Variants in EPB41 observed in about 807,000 individuals in gnomAD.
EPB41 encodes the protein erythrocyte membrane protein band 4.1.
A neutral mutation model predicts 108.0 loss-of-function variants in EPB41; 65 were observed. The observed-to-expected ratio is 0.60, with a 90% CI of 0.49 to 0.74. The LOEUF is 0.74. EPB41 is among the 30% of genes least tolerant of loss of function. EPB41 has a pLI of 0.00. For synonymous variants in EPB41, 336 were observed against 358.9 expected, an observed-to-expected ratio of 0.94 and a Z score of 0.72; for missense variants, 875 against 1,037.0, an observed-to-expected ratio of 0.84 and a Z score of 2.15.
chr1:28,968,907 G>A (rs1208717503), intron 1 of EPB41, among the ~76,000 whole-genome samples: 4 of 151,222 alleles, frequency 2.6e-5, no homozygotes, highest in African/African-American at 9.7e-5. Flanking sequence ...AGAAGTTACA[G>A]TGAGCTGAGA....
chr1:28,995,201 T>C (rs111507312), intron 3 of EPB41, among the ~76,000 whole-genome samples: 64 of 152,092 alleles, frequency 4.2e-4, no homozygotes, highest in African/African-American at 1.5e-3. Context: ...ATTCTTCCCA[T>C]TCAGACCAAG....
intron 19 of EPB41, among the ~76,000 whole-genome samples, 194 bp downstream of exon 19, chr1:29,112,642 TGTAATGGAAAGAACATGA>T (rs1669565686): frequency 6.6e-6 from 1 of 152,032 alleles, no homozygotes; most frequent in African/African-American, 2.4e-5. Context: ...AGCCAGGAAA[TGTAATGGAAAGAACATGA>T]GCTTTGGATT....
chr1:28,978,036 G>C (rs999704502), intron 1 of EPB41, among the ~76,000 whole-genome samples: 2 of 145,980 alleles, frequency 1.4e-5, no homozygotes, highest in Non-Finnish European at 3.0e-5. Flanking sequence ...CTGAGTTGTA[G>C]CATCTTTGCT....
chr1:28,975,495 A>C (rs1344012163), intron 1 of EPB41, among the ~76,000 whole-genome samples: 1 of 151,992 alleles, frequency 6.6e-6, no homozygotes, highest in African/African-American at 2.4e-5. Flanking sequence ...CATTTGTTGA[A>C]TTTCCCTCTG....
chr1:28,934,486 C>T (rs2093898390), intron 1 of EPB41, among the ~76,000 whole-genome samples: 1 of 152,154 alleles, frequency 6.6e-6, no homozygotes, highest in Admixed American at 6.6e-5. Context: ...AATTCTGCAT[C>T]AGAGACTTTA....
Position 28,887,462 on chromosome 1 carries a change from TC to T in EPB41, c.-8+254del, listed in dbSNP as rs2089548603. 1 of 985,064 alleles carries T rather than the reference TC, an allele frequency of 1.0e-6. No homozygotes were observed. Among genetic ancestry groups the T allele is most frequent in the South Asian group, 4.7e-5 (1 of 21,274 alleles). 61.0% of individuals were successfully genotyped at this position (985,064 alleles called of 1,614,324 possible). The stretch of plus-strand genomic sequence containing the variant: ...TGGAGAGGGGGTCCGGGAGCTCGGA[TC>T]CGGAGCTAGACACGTCCGGGTCCGG... On this transcript the variant is annotated intron_variant, in intron 1 of 16. Coordinates refer to the EPB41 transcript ENST00000347529. The surrounding 1 kb of genome is among the most constrained non-coding windows in gnomAD (Gnocchi z 4.9).
chr1:29,023,584 G>A (rs1356618455), intron 7 of EPB41, among the ~76,000 whole-genome samples: 1 of 151,756 alleles, frequency 6.6e-6, no homozygotes, highest in African/African-American at 2.4e-5. Flanking sequence ...CTCCTCAGGA[G>A]GCTGAGGCAG....
chr1:28,915,126 C>T (rs979873196), intron 1 of EPB41, among the ~76,000 whole-genome samples: 39 of 152,122 alleles, frequency 2.6e-4, no homozygotes, highest in Non-Finnish European at 4.9e-4. Flanking sequence ...TGCGGAGAAT[C>T]GCAGGTTTCA....
intron 1 of EPB41, among the ~76,000 whole-genome samples, chr1:28,983,008 C>CTA (rs1469842859): frequency 2.0e-5 from 3 of 152,010 alleles, no homozygotes; most frequent in Non-Finnish European, 2.9e-5. Context: ...CCATTGAGGA[C>CTA]TATATCTTTC....
intron 1 of EPB41, among the ~76,000 whole-genome samples, chr1:28,963,385 G>GTGTGTGTC (rs1433260136): frequency 1.7e-4 from 26 of 150,324 alleles, no homozygotes; most frequent in African/African-American, 6.4e-4. Context: ...GTGTGTGTCT[G>GTGTGTGTC]TGTGTGATTT....
At chr1:29,047,100 T>G (rs1341849627) in intron 11 of EPB41, among the ~76,000 whole-genome samples, 1 of 152,128 alleles carries the variant, frequency 6.6e-6, no homozygotes, top group East Asian at 1.9e-4. Flanking sequence ...TTAGAAGAAT[T>G]CGCCTATGAA....
intron 16 of EPB41, among the ~76,000 whole-genome samples, chr1:29,080,441 C>T (rs1009122101): frequency 6.8e-6 from 1 of 146,384 alleles, no homozygotes; most frequent in African/African-American, 2.6e-5. Context: ...CAGGGTCTCA[C>T]TCTGTCTCCC....
intron 1 of EPB41, among the ~76,000 whole-genome samples, chr1:28,979,036 GT>G (rs1434397323): frequency 1.3e-5 from 2 of 151,224 alleles, no homozygotes; most frequent in Admixed American, 1.3e-4. Flanking sequence ...TATCCTATTG[GT>G]TCTGTCACTC....
intron 1 of EPB41, among the ~76,000 whole-genome samples, chr1:28,945,942 C>G (rs1019429580): frequency 7.9e-5 from 12 of 152,132 alleles, no homozygotes; most frequent in African/African-American, 2.9e-4. Flanking sequence ...TACTTGTGAA[C>G]TAGCCAGAGT....
intron 1 of EPB41, among the ~76,000 whole-genome samples, chr1:28,924,375 A>G (rs1156924152): frequency 6.6e-6 from 1 of 152,226 alleles, no homozygotes; most frequent in Non-Finnish European, 1.5e-5. Flanking sequence ...CTAAAAATAG[A>G]AGAATTACCT....
At chr1:28,980,277 G>A (rs1451059522) in intron 1 of EPB41, among the ~76,000 whole-genome samples, 1 of 152,178 alleles carries the variant, frequency 6.6e-6, no homozygotes, top group Non-Finnish European at 1.5e-5. Context: ...GATGGAGGTT[G>A]CAGTGAGCTG....
chr1:29,111,885 G>A (rs915805580), intron 18 of EPB41, among the ~76,000 whole-genome samples: 2 of 150,926 alleles, frequency 1.3e-5, no homozygotes, highest in African/African-American at 4.9e-5. Flanking sequence ...GCTGAGGCAG[G>A]AGAATTGCTT....
intron 12 of EPB41, among the ~76,000 whole-genome samples, chr1:29,057,714 G>C (rs1645797194): frequency 6.6e-6 from 1 of 151,992 alleles, no homozygotes; most frequent in Non-Finnish European, 1.5e-5. Flanking sequence ...CCTCTATTAT[G>C]CTCCCTCTTA....
At chr1:29,079,180 A>G (rs1055983226) in intron 16 of EPB41, among the ~76,000 whole-genome samples, 1 of 151,820 alleles carries the variant, frequency 6.6e-6, no homozygotes, top group Non-Finnish European at 1.5e-5. Flanking sequence ...TATTTTTAGT[A>G]GAGATGGGGT....
Sources: allele counts gnomAD v4.1 joint callset (sites outside exome capture counted in the v4.1 genomes callset), GRCh38; gene constraint gnomAD v4.1.1; non-coding constraint Gnocchi (gnomAD v3.1); transcripts MANE v1.5; gene names NCBI Gene and HGNC (gene_info 2026-07-23, HGNC 2026-07-21).